The following DPH6 variants were observed in gnomAD, a reference collection of about 807,000 sequenced individuals.
DPH6 encodes the protein diphthamine biosynthesis 6.
A neutral mutation model predicts 38.2 loss-of-function variants in DPH6; 33 were observed. The ratio of observed to expected loss-of-function variants is 0.86; its 90% CI spans 0.65 to 1.15. DPH6 has a LOEUF of 1.15. DPH6 is among the 50% of genes most tolerant of loss of function. The pLI, the probability that DPH6 is intolerant of heterozygous loss-of-function variation, is 0.00. For synonymous variants in DPH6, 108 were observed against 103.0 expected (o/e 1.05, Z -0.30); for missense variants, 325 against 320.0 (o/e 1.02, Z -0.12).
At chr15:35,199,770 G>T in the DPH6 span, among the ~76,000 whole-genome samples, 3 of 151,742 alleles carry the variant, frequency 2.0e-5, no homozygotes, top group African/African-American at 7.3e-5. Flanking sequence ...GGTGGGAAAA[G>T]TACCTCTCTG....
chr15:35,518,203 T>A (rs2054873561), intron 3 of DPH6, among the ~76,000 whole-genome samples: 1 of 152,058 alleles, frequency 6.6e-6, no homozygotes, highest in Non-Finnish European at 1.5e-5. Flanking sequence ...AAAAGGAGTG[T>A]ATGTACACAC....
At chr15:35,223,640 C>G (rs946710914) in intron 3 of DPH6, among the ~76,000 whole-genome samples, 1 of 151,826 alleles carries the variant, frequency 6.6e-6, no homozygotes, top group Non-Finnish European at 1.5e-5. Context: ...GAGCGGAGAT[C>G]GCGCCACTGC....
intron 3 of DPH6, among the ~76,000 whole-genome samples, chr15:35,339,046 C>T (rs1214246934): frequency 2.1e-5 from 3 of 144,242 alleles, no homozygotes; most frequent in Non-Finnish European, 3.0e-5. Flanking sequence ...GTGGGGGTAG[C>T]GGGTGGGGGA....
intron 3 of DPH6, among the ~76,000 whole-genome samples, chr15:35,331,759 G>T (rs2052328620): frequency 6.6e-6 from 1 of 152,134 alleles, no homozygotes; most frequent in Non-Finnish European, 1.5e-5. Flanking sequence ...CCCTAAAATT[G>T]TTCATCCGAA....
At chr15:35,285,021 GGTGGTCTCCAACTTCTGGGCTCAA>G (rs2051931184) in intron 3 of DPH6, among the ~76,000 whole-genome samples, 1 of 151,584 alleles carries the variant, frequency 6.6e-6, no homozygotes, top group South Asian at 2.1e-4. Context: ...TGTTACGCAG[GGTGGTCTCCAACTTCTGGGCTCAA>G]GTGATCCTCC....
At chr15:35,442,250 C>G (rs1287125617) in intron 5 of DPH6, among the ~76,000 whole-genome samples, 1 of 152,086 alleles carries the variant, frequency 6.6e-6, no homozygotes, top group African/African-American at 2.4e-5. Flanking sequence ...AGAAGATATA[C>G]AAAGGGCCAA....
chr15:35,160,059 G>A, the DPH6 span, among the ~76,000 whole-genome samples: 1 of 151,966 alleles, frequency 6.6e-6, no homozygotes, highest in Non-Finnish European at 1.5e-5. Context: ...GAGAAGAAGT[G>A]GGGGAAGGAT....
chr15:35,287,641 G>A (rs1008935773), intron 3 of DPH6, among the ~76,000 whole-genome samples: 1 of 152,074 alleles, frequency 6.6e-6, no homozygotes, highest in Non-Finnish European at 1.5e-5. Flanking sequence ...GAACAGTGTA[G>A]TAAGAAGATA....
At chr15:35,194,834 G>A in the DPH6 span, among the ~76,000 whole-genome samples, 1 of 152,140 alleles carries the variant, frequency 6.6e-6, no homozygotes, top group Admixed American at 6.5e-5. Context: ...TACATTTTCA[G>A]GGAAATGTGA....
chr15:35,200,983 C>CTT, the DPH6 span, among the ~76,000 whole-genome samples: 10,542 of 123,800 alleles, frequency 0.085, 1,010 homozygotes, highest in African/African-American at 0.23. Context: ...AATAATTTCC[C>CTT]TTTTTTTTTT....
At chr15:35,507,104 G>C (rs2054704192) in intron 3 of DPH6, among the ~76,000 whole-genome samples, 1 of 150,514 alleles carries the variant, frequency 6.6e-6, no homozygotes, top group South Asian at 2.1e-4. Flanking sequence ...CACAGACTTT[G>C]ATCTATATTT....
chr15:35,285,889 T>TTTTTTTTTTTTTTTA (rs1566859804), intron 3 of DPH6, among the ~76,000 whole-genome samples: 1 of 144,304 alleles, frequency 6.9e-6, no homozygotes, highest in African/African-American at 2.5e-5. Flanking sequence ...TTTTTTTTTT[T>TTTTTTTTTTTTTTTA]ACCTGAGACC....
At chr15:35,250,277 C>T (rs1462103453) in intron 3 of DPH6, among the ~76,000 whole-genome samples, 1 of 152,046 alleles carries the variant, frequency 6.6e-6, no homozygotes. Context: ...GTGACTAGAG[C>T]TTCCTGTGTC....
At chr15:35,519,045 C>G (rs1380170815) in intron 3 of DPH6, 1 of 151,880 alleles carries the variant, frequency 6.6e-6, no homozygotes, top group East Asian at 1.9e-4. Flanking sequence ...TAAACTTAAT[C>G]CATAACATTT....
chr15:35,273,183 G>C (rs1203669254), intron 3 of DPH6, among the ~76,000 whole-genome samples: 2 of 152,094 alleles, frequency 1.3e-5, no homozygotes, highest in Non-Finnish European at 2.9e-5. Context: ...CTGGGGAACA[G>C]GTGGTGTCTG....
At chr15:35,311,575 C>A (rs1255421515) in intron 3 of DPH6, among the ~76,000 whole-genome samples, 1 of 151,624 alleles carries the variant, frequency 6.6e-6, no homozygotes, top group Non-Finnish European at 1.5e-5. Context: ...TGCTTTGGGA[C>A]AAGAAAGAAA....
At chr15:35,498,943 T>TAAA (rs61542040) in intron 3 of DPH6, among the ~76,000 whole-genome samples, 89 of 108,430 alleles carry the variant, frequency 8.2e-4, no homozygotes, top group South Asian at 2.8e-3. Context: ...CCTCATCTCT[T>TAAA]AAAAAAAAAA....
At chr15:35,237,672 A>G in intron 3 of DPH6, 1 of 1,613,986 alleles carries the variant, frequency 6.2e-7, no homozygotes, top group Non-Finnish European at 8.5e-7. Flanking sequence ...GAAAACCTCA[A>G]GAGCTTAGAC....
intron 3 of DPH6, among the ~76,000 whole-genome samples, chr15:35,281,067 T>C (rs952783023): frequency 6.6e-6 from 1 of 152,186 alleles, no homozygotes; most frequent in Non-Finnish European, 1.5e-5. Context: ...ACTTGTCATT[T>C]AGCATTAGGT....
Sources: allele counts gnomAD v4.1 joint callset (sites outside exome capture counted in the v4.1 genomes callset), GRCh38; gene constraint gnomAD v4.1.1; transcripts MANE v1.5; gene names NCBI Gene and HGNC (gene_info 2026-07-23, HGNC 2026-07-21).